MFSD6: variants seen among roughly 807,000 people sequenced by gnomAD.
The protein encoded by MFSD6 is major facilitator superfamily domain-containing protein 6.
A neutral mutation model predicts 56.3 loss-of-function variants in MFSD6; 26 were observed. The observed-to-expected ratio is 0.46, with a 90% confidence interval of 0.34 to 0.64. The LOEUF (loss-of-function observed/expected upper bound fraction) is 0.64, where lower values mean the gene tolerates loss of function less well. Ranked by LOEUF, MFSD6 falls within the 30% of genes least tolerant of loss-of-function variation. MFSD6 has a pLI of 0.01. For missense variants in MFSD6, 750 were observed against 986.2 expected, an observed-to-expected ratio of 0.76 and a Z score of 3.21; for synonymous variants, 331 against 366.9, an observed-to-expected ratio of 0.90 and a Z score of 1.12.
rs1285341655 is a variant in MFSD6 at position 190,492,927 on chromosome 2, A to G, written c.1891+3061A>G. Among the ~76,000 whole-genome samples the G allele has an allele frequency of 6.6e-6, 1 of 152,154 alleles. No homozygotes were observed. The highest frequency in any genetic ancestry group is 1.5e-5 in the Non-Finnish European group (1 of 68,032). ...AAACACATCCAAACAGAACCTCTTT[A>G]AAGCATAAATCTCACAGGACCTATA... On this transcript the variant is annotated intron_variant, in intron 6 of 7. Coordinates refer to ENST00000392328, the MANE Select transcript of MFSD6 (RefSeq NM_017694.4). The surrounding 1 kb of genome is among the most constrained non-coding windows in gnomAD (Gnocchi z 5.2).
intron 2 of MFSD6, among the ~76,000 whole-genome samples, chr2:190,429,390 A>T (rs543524428): frequency 5.9e-5 from 9 of 151,592 alleles, no homozygotes; most frequent in African/African-American, 2.2e-4. Context: ...CAGTGGTGCA[A>T]TCTCGGCTCA....
Position 190,413,337 on chromosome 2 carries a change from T to TA in MFSD6, c.-175-1949dup, listed in dbSNP as rs1294238440. 6.6e-6 allele frequency among the ~76,000 whole-genome samples: 1 copy of TA among 151,890 alleles called. No homozygotes were observed. Among genetic ancestry groups the TA allele is most frequent in the East Asian group, 1.9e-4 (1 of 5,188 alleles). ...AAAGATGGGAAGAAATTCAGACCCT[T>TA]AAAAAACCATGTTCAAGAGATGTGG... is the stretch of plus-strand genomic sequence containing the variant. On this transcript the variant is annotated intron_variant, in intron 1 of 7. Coordinates refer to ENST00000392328, the MANE Select transcript of MFSD6 (RefSeq NM_017694.4). This position sits in a 1 kb window ranked among gnomAD's most constrained non-coding sequence, Gnocchi z 4.1.
At chr2:190,480,027 G>C (rs973581725) in intron 4 of MFSD6, among the ~76,000 whole-genome samples, 37 of 152,266 alleles carry the variant, frequency 2.4e-4, no homozygotes, top group African/African-American at 8.4e-4. Flanking sequence ...GCTAGGCATG[G>C]TGGCATGCGC....
intron 4 of MFSD6, among the ~76,000 whole-genome samples, chr2:190,484,538 T>C (rs1050806060): frequency 1.3e-5 from 2 of 152,172 alleles, no homozygotes; most frequent in Non-Finnish European, 2.9e-5. Context: ...GGCGGAGGGT[T>C]TTCAAGTTTC....
rs114888744 is a variant in MFSD6 at position 190,498,612 on chromosome 2, T to C, written c.2172+893T>C. Reference sequence around the variant, plus strand: ...GTCCATGCATGATCCTATTTATTAATTTATCAAGATAATAAACTCACATCA... The same window carrying C: ...GTCCATGCATGATCCTATTTATTAACTTATCAAGATAATAAACTCACATCA... On this transcript the variant is annotated intron_variant, in intron 7 of 7. Coordinates refer to ENST00000392328, the MANE Select transcript of MFSD6 (RefSeq NM_017694.4). The surrounding 1 kb of genome is among the most constrained non-coding windows in gnomAD (Gnocchi z 5.9). 1.2e-3 allele frequency among the ~76,000 whole-genome samples: 182 copies of C among 152,338 alleles called. No homozygotes were observed. The highest frequency in any genetic ancestry group is 2.3e-3 in the Non-Finnish European group (154 of 68,036).
chr2:190,476,925 A>G (rs1253322017), intron 4 of MFSD6, among the ~76,000 whole-genome samples: 1 of 151,958 alleles, frequency 6.6e-6, no homozygotes, highest in African/African-American at 2.4e-5. Flanking sequence ...GAAGCTGGAA[A>G]CCATCATTCT....
chr2:190,411,443 C>T (rs1690562411), intron 1 of MFSD6: 1 of 983,940 alleles, frequency 1.0e-6, no homozygotes, highest in Non-Finnish European at 1.2e-6. Flanking sequence ...CAGGCATGAG[C>T]CACTGCGCCC....
chr2:190,482,910 A>C (rs1688775276), intron 4 of MFSD6, among the ~76,000 whole-genome samples: 1 of 31,516 alleles, frequency 3.2e-5, no homozygotes, highest in Non-Finnish European at 7.4e-5. Flanking sequence ...TTTTAGACGG[A>C]GTCTCACTCT....
rs555695451 is a variant in MFSD6, at chr2:190,433,574, G to C, written c.-53-2403G>C. On this transcript the variant is annotated intron_variant, in intron 2 of 7. Transcript: ENST00000392328. This position sits in a 1 kb window ranked among gnomAD's most constrained non-coding sequence, Gnocchi z 4.5. ...GAATATAGTAAATTACCGCTGAATTGTTCACTTTCAAAATGGTTAATTTTG... is the reference window on the plus strand; with the variant it reads ...GAATATAGTAAATTACCGCTGAATTCTTCACTTTCAAAATGGTTAATTTTG... Among the ~76,000 whole-genome samples the C allele has an allele frequency of 5.3e-5, 8 of 152,248 alleles. No individual in the cohort carries two copies. The East Asian group carries it at 1.2e-3, about 22-fold the overall frequency.
chr2:190,497,486 C>G lies in MFSD6; in HGVS notation c.1939C>G (p.Pro647Ala), dbSNP rs1162146891. The change falls in exon 7 of 8, where the codon CCT becomes GCT. Residue 647 changes from proline to alanine, a missense_variant. Pro to Ala is a conservative substitution (Grantham distance 27). Coordinates refer to ENST00000392328, the MANE Select transcript of MFSD6 (RefSeq NM_017694.4). This position sits in a 1 kb window ranked among gnomAD's most constrained non-coding sequence, Gnocchi z 5.2. ...ERIPVPSSPVPIATIDLVQQQ... is the reference protein window; with the variant it reads ...ERIPVPSSPVAIATIDLVQQQ... ...AATTCCTGTTCCCTCCAGTCCCGTT[C>G]CTATAGCAACCATCGACTTGGTACA... 2 of 1,614,048 alleles carry G rather than the reference C, an allele frequency of 1.2e-6. No homozygotes were observed. Among genetic ancestry groups the G allele is most frequent in the Admixed American group, 3.3e-5 (2 of 60,008 alleles).
rs1031016603 is a variant in MFSD6, at chr2:190,411,074, A to G, written c.-176+2571A>G. 5.4e-5 allele frequency: 53 copies of G among 982,040 alleles called. No individual in the cohort carries two copies. The African/African-American group carries it at 8.8e-4, about 16-fold the overall frequency. 60.8% of individuals were successfully genotyped at this position (982,040 alleles called of 1,614,324 possible). A position where few individuals can be genotyped will look rare whatever the true frequency, so the allele number is the denominator to read the frequency against. The stretch of plus-strand genomic sequence containing the variant: ...TATCTCAAAAAAAAGAAAAAAAAAA[A>G]CTAGCTTCAGAAGAAATTTATATAC... On this transcript the variant is annotated intron_variant, in intron 1 of 7. Transcript: ENST00000392328.
At chr2:190,482,933 G>A (rs1049265262) in intron 4 of MFSD6, among the ~76,000 whole-genome samples, 5 of 116,952 alleles carry the variant, frequency 4.3e-5, no homozygotes, top group African/African-American at 1.3e-4. Flanking sequence ...CGCCCAGGCC[G>A]GACTGCGGAC....
At chr2:190,453,427 T>C (rs36015572) in intron 3 of MFSD6, among the ~76,000 whole-genome samples, 12,529 of 152,200 alleles carry the variant, frequency 0.082, 627 homozygotes, top group African/African-American at 0.11. Flanking sequence ...TTCAGAAACA[T>C]TGGCATGTAG....
rs575960334 is a variant in MFSD6 at position 190,443,945 on chromosome 2, G to A, written c.1532+6384G>A. 2.6e-5 allele frequency among the ~76,000 whole-genome samples: 4 copies of A among 152,220 alleles called. No individual in the cohort carries two copies. Among genetic ancestry groups the A allele is most frequent in the South Asian group, 2.1e-4 (1 of 4,820 alleles). ...CACACGCCTGTAGTCCCAGTTACTT[G>A]GGAGCCTGAGCTGGGAGGATCTGTT... is the stretch of plus-strand genomic sequence containing the variant. On this transcript the variant is annotated intron_variant, in intron 3 of 7. Transcript: ENST00000392328. This position sits in a 1 kb window ranked among gnomAD's most constrained non-coding sequence, Gnocchi z 4.2.
chr2:190,476,366 AAAC>A (rs1453931443), intron 4 of MFSD6, among the ~76,000 whole-genome samples: 1 of 152,116 alleles, frequency 6.6e-6, no homozygotes, highest in Non-Finnish European at 1.5e-5. Flanking sequence ...TATAAGAAAA[AAAC>A]AACCCCATCA....
At position 190,436,995 on chromosome 2, in the gene MFSD6, T is replaced by C. The variant is rs200988419; in HGVS notation, c.966T>C (p.Asp322=). Residue 322 remains aspartate (D), a synonymous_variant, in exon 3 of 8, where the codon GAT becomes GAC. Coordinates refer to ENST00000392328, the MANE Select transcript of MFSD6 (RefSeq NM_017694.4). This position sits in a 1 kb window ranked among gnomAD's most constrained non-coding sequence, Gnocchi z 5.3. ...TCCAGTATCTGGGAAAACACAGAGA[T>C]CGCTATGGGTTGCAGCGCATGTGGG... ...VTLQYLGKHR[D]RYGLQRMWGS... 6.2e-7 allele frequency: 1 copy of C among 1,614,158 alleles called. No homozygotes were observed. Among genetic ancestry groups the C allele is most frequent in the African/African-American group, 1.3e-5 (1 of 75,028 alleles).
intron 4 of MFSD6, among the ~76,000 whole-genome samples, chr2:190,484,685 C>A (rs992300104): frequency 2.6e-5 from 4 of 152,148 alleles, no homozygotes; most frequent in Non-Finnish European, 5.9e-5. Context: ...GCAGCTCCAC[C>A]ACTGTCTTTT....
chr2:190,435,460 A>G (rs888980475), intron 2 of MFSD6: 1 of 152,920 alleles, frequency 6.5e-6, no homozygotes, highest in African/African-American at 2.4e-5. Flanking sequence ...GGCTCCAGTG[A>G]GCACTATAGT....
At chr2:190,419,146 G>GA (rs201101867) in intron 2 of MFSD6, among the ~76,000 whole-genome samples, 74 of 150,496 alleles carry the variant, frequency 4.9e-4, no homozygotes, top group Admixed American at 6.6e-4. Flanking sequence ...AATCCTGATG[G>GA]AAAAAAAAAA....
Sources: allele counts gnomAD v4.1 joint callset (sites outside exome capture counted in the v4.1 genomes callset), GRCh38; gene constraint gnomAD v4.1.1; non-coding constraint Gnocchi (gnomAD v3.1); transcripts MANE v1.5; gene names NCBI Gene and HGNC (gene_info 2026-07-23, HGNC 2026-07-21).